ADAMTS2: variants seen among roughly 807,000 people sequenced by gnomAD.
The protein encoded by ADAMTS2 is ADAM metallopeptidase with thrombospondin type 1 motif 2, also known as A disintegrin and metalloproteinase with thrombospondin motifs 2.
Under a neutral mutation model 123.0 loss-of-function variants are expected in ADAMTS2, and 50 were observed. The ratio of observed to expected loss-of-function variants is 0.41; its 90% CI spans 0.32 to 0.51. ADAMTS2 has a LOEUF of 0.51. ADAMTS2 is among the 20% of genes least tolerant of loss of function. The pLI is 0.35. For missense variants in ADAMTS2, 1,494 were observed against 1,705.2 expected, an observed-to-expected ratio of 0.88 and a Z score of 2.18; for synonymous variants, 678 against 695.4, an observed-to-expected ratio of 0.98 and a Z score of 0.39.
chr5:179,283,990 T>TATTATTA (rs60699032), intron 2 of ADAMTS2, among the ~76,000 whole-genome samples: 1 of 148,060 alleles, frequency 6.8e-6, no homozygotes, highest in Non-Finnish European at 1.5e-5. Flanking sequence ...TTATTATTAT[T>TATTATTA]TTGGAGACTC....
Position 179,134,838 on chromosome 5 carries a change from CCCCAGCTCCCGGCTCCAGCT to C in ADAMTS2, c.2085+1051_2085+1070del, listed in dbSNP as rs1238389049. ...CCAGCCCCCAGCTCCCGGCTCCAGC[CCCCAGCTCCCGGCTCCAGCT>C]CCCAGCTCCCGGGTCCAGCTCCCGG... On this transcript the variant is annotated intron_variant, in intron 13 of 21. Coordinates refer to ENST00000251582, the MANE Select transcript of ADAMTS2 (RefSeq NM_014244.5). Among the ~76,000 whole-genome samples the C allele has an allele frequency of 3.8e-3, 120 of 31,422 alleles. 1 individual carries two copies. The highest frequency in any genetic ancestry group is 5.4e-3 in the Non-Finnish European group (90 of 16,584). The allele number at this position is 31,422 out of a possible 152,430, so 20.6% of individuals were successfully genotyped here.
intron 4 of ADAMTS2, among the ~76,000 whole-genome samples, chr5:179,184,145 C>G (rs996567522): frequency 6.6e-6 from 1 of 152,200 alleles, no homozygotes; most frequent in Admixed American, 6.5e-5. Context: ...CCACCTCCCA[C>G]AGGCCAGACT....
At chr5:179,325,109 G>A (rs1395098426) in intron 2 of ADAMTS2, among the ~76,000 whole-genome samples, 1 of 152,232 alleles carries the variant, frequency 6.6e-6, no homozygotes, top group Non-Finnish European at 1.5e-5. Flanking sequence ...CACAGGCACT[G>A]TTTCCAACGT....
intron 3 of ADAMTS2, among the ~76,000 whole-genome samples, chr5:179,219,343 C>T (rs1765072474): frequency 6.6e-6 from 1 of 152,228 alleles, no homozygotes; most frequent in Non-Finnish European, 1.5e-5. Context: ...ATTCATTTAG[C>T]TCTCTGTCTC....
chr5:179,202,618 G>A lies in ADAMTS2; in HGVS notation c.891+4895C>T, dbSNP rs370801297. ...ATATAATAGACGCCCCATAAACACCGGCCCCCGTATGAACGGCAGCCAGGG... is the reference window on the plus strand; with the variant it reads ...ATATAATAGACGCCCCATAAACACCAGCCCCCGTATGAACGGCAGCCAGGG... On this transcript the variant is annotated intron_variant, in intron 4 of 21. Transcript: ENST00000251582. The surrounding 1 kb of genome is among the most constrained non-coding windows in gnomAD (Gnocchi z 4.0). Among the ~76,000 whole-genome samples, 17 of 152,036 alleles carry A rather than the reference G, an allele frequency of 1.1e-4. No individual in the cohort carries two copies. Among genetic ancestry groups the A allele is most frequent in the Admixed American group, 3.3e-4 (5 of 15,270 alleles).
chr5:179,125,341 G>A (rs1390792477), intron 18 of ADAMTS2, among the ~76,000 whole-genome samples, 161 bp from the exon 19 acceptor site: 1 of 152,196 alleles, frequency 6.6e-6, no homozygotes, highest in East Asian at 1.9e-4. Flanking sequence ...CTAAGATGCT[G>A]GCTGTCCAGG....
At chr5:179,144,986 G>A (rs567865996) in intron 10 of ADAMTS2, among the ~76,000 whole-genome samples, 1 of 152,134 alleles carries the variant, frequency 6.6e-6, no homozygotes, top group Non-Finnish European at 1.5e-5. Context: ...CACTTACACT[G>A]GTGAGTGTGA....
intron 2 of ADAMTS2, among the ~76,000 whole-genome samples, chr5:179,333,430 C>T (rs1757529774): frequency 6.6e-6 from 1 of 152,154 alleles, no homozygotes; most frequent in Admixed American, 6.5e-5. Flanking sequence ...AAAGTACAGA[C>T]CCCAGGGCTC....
intron 3 of ADAMTS2, among the ~76,000 whole-genome samples, chr5:179,271,328 A>C (rs1212957601): frequency 6.6e-6 from 1 of 152,142 alleles, no homozygotes; most frequent in African/African-American, 2.4e-5. Flanking sequence ...ACCTCGCCTG[A>C]GCAGAGGCCC....
chr5:179,137,382 C>T (rs916361248), intron 12 of ADAMTS2, among the ~76,000 whole-genome samples: 1 of 152,236 alleles, frequency 6.6e-6, no homozygotes, highest in South Asian at 2.1e-4. Flanking sequence ...CTGAGAGTCC[C>T]GACTAATAGA....
chr5:179,173,956 T>C (rs2113297943), intron 5 of ADAMTS2, among the ~76,000 whole-genome samples: 1 of 143,600 alleles, frequency 7.0e-6, no homozygotes, highest in East Asian at 2.0e-4. Flanking sequence ...GAGGTTGCAG[T>C]GAGCTGAGGT....
At chr5:179,156,711 TTTG>T (rs546244689) in intron 6 of ADAMTS2, among the ~76,000 whole-genome samples, 182 of 152,270 alleles carry the variant, frequency 1.2e-3, no homozygotes, top group African/African-American at 4.0e-3. Flanking sequence ...ATACAAATGG[TTTG>T]TTGTTCTCTA....
chr5:179,137,068 TTC>T (rs1763077911), intron 12 of ADAMTS2, among the ~76,000 whole-genome samples: 1 of 152,132 alleles, frequency 6.6e-6, no homozygotes. Context: ...GAACCTTCCC[TTC>T]TCAGCCTTTA....
intron 2 of ADAMTS2, among the ~76,000 whole-genome samples, chr5:179,319,826 G>A (rs751437804): frequency 2.0e-5 from 3 of 152,060 alleles, no homozygotes; most frequent in South Asian, 2.1e-4. Flanking sequence ...CAGTCATTAC[G>A]CCTGGCTCCC....
rs1425442038 is a variant in ADAMTS2 at position 179,117,706 on chromosome 5, T to A, written c.3179-3382A>T. Reference sequence around the variant, plus strand: ...GTGCGTGCCACCATGCCCGGCTAATTTTTGTATTTTTAGTAGAGACGGGGT... The same window carrying A: ...GTGCGTGCCACCATGCCCGGCTAATATTTGTATTTTTAGTAGAGACGGGGT... On this transcript the variant is annotated intron_variant, in intron 21 of 21. Transcript: ENST00000251582. The surrounding 1 kb of genome is among the most constrained non-coding windows in gnomAD (Gnocchi z 4.2). Among the ~76,000 whole-genome samples, 1 of 151,956 alleles carries A rather than the reference T, an allele frequency of 6.6e-6. No homozygotes were observed. The highest frequency in any genetic ancestry group is 2.4e-5 in the African/African-American group (1 of 41,350).
chr5:179,119,498 T>C (rs1762717481), intron 21 of ADAMTS2, among the ~76,000 whole-genome samples: 1 of 152,208 alleles, frequency 6.6e-6, no homozygotes, highest in South Asian at 2.1e-4. Context: ...GAGGTCCCTC[T>C]TGAACCCAGA....
Position 179,162,359 on chromosome 5 carries a change from G to T in ADAMTS2, c.976-3480C>A, listed in dbSNP as rs948630959. Among the ~76,000 whole-genome samples, 28 of 152,174 alleles carry T rather than the reference G, an allele frequency of 1.8e-4. No individual in the cohort carries two copies. The highest frequency in any genetic ancestry group is 5.2e-4 in the Admixed American group (8 of 15,284). Reference sequence around the variant, plus strand: ...GGGCCAAGGAGTAGGCAAGGTGTGAGGTGGGGGGCCTGCAGCGGCTGGAGC... The same window carrying T: ...GGGCCAAGGAGTAGGCAAGGTGTGATGTGGGGGGCCTGCAGCGGCTGGAGC... On this transcript the variant is annotated intron_variant, in intron 5 of 21. Transcript: ENST00000251582. This position sits in a 1 kb window ranked among gnomAD's most constrained non-coding sequence, Gnocchi z 5.1.
At chr5:179,311,077 T>C (rs1468664066) in intron 2 of ADAMTS2, among the ~76,000 whole-genome samples, 1 of 117,394 alleles carries the variant, frequency 8.5e-6, no homozygotes, top group Non-Finnish European at 1.6e-5. Context: ...CGTTGACTCC[T>C]ATCTCAACAA....
At chr5:179,167,311 C>A (rs1005072810) in intron 5 of ADAMTS2, among the ~76,000 whole-genome samples, 1 of 151,936 alleles carries the variant, frequency 6.6e-6, no homozygotes, top group Non-Finnish European at 1.5e-5. Context: ...AACAGCGGCC[C>A]GGGCCGGGGA....
Sources: allele counts gnomAD v4.1 joint callset (sites outside exome capture counted in the v4.1 genomes callset), GRCh38; gene constraint gnomAD v4.1.1; non-coding constraint Gnocchi (gnomAD v3.1); transcripts MANE v1.5; gene names NCBI Gene and HGNC (gene_info 2026-07-23, HGNC 2026-07-21).